The following TTLL5 variants were observed in gnomAD, a reference collection of about 807,000 sequenced individuals.
TTLL5 encodes the protein tubulin tyrosine ligase like 5, also known as tubulin polyglutamylase TTLL5.
TTLL5 carries 132 observed loss-of-function variants against 168.4 expected under a neutral mutation model. The observed-to-expected ratio is 0.78, with a 90% CI of 0.68 to 0.91. TTLL5 has a LOEUF of 0.91. Ranked by LOEUF, TTLL5 falls within the 40% of genes least tolerant of loss-of-function variation. The pLI is 0.00. For synonymous variants in TTLL5, 546 were observed against 558.6 expected (o/e 0.98, Z 0.32); for missense variants, 1,545 against 1,581.5 (o/e 0.98, Z 0.39).
chr14:75,898,731 G>T (rs1159682386), intron 30 of TTLL5, among the ~76,000 whole-genome samples: 2 of 152,150 alleles, frequency 1.3e-5, no homozygotes, highest in African/African-American at 4.8e-5. Context: ...TTCATTTGGT[G>T]CACAGTTGAA....
intron 28 of TTLL5, 112 bp downstream of exon 28, chr14:75,820,273 C>A: frequency 8.8e-7 from 1 of 1,133,350 alleles, no homozygotes; most frequent in Non-Finnish European, 1.2e-6. Flanking sequence ...GGCATATGCC[C>A]TTTCTCCACC....
intron 27 of TTLL5, chr14:75,803,054 G>A (rs1893420234): frequency 1.3e-5 from 2 of 152,340 alleles, no homozygotes; most frequent in African/African-American, 4.8e-5. Flanking sequence ...GGCTGGTTCA[G>A]GGAGAGCTTT....
chr14:75,700,657 T>C (rs1886204324), intron 7 of TTLL5, among the ~76,000 whole-genome samples: 1 of 152,206 alleles, frequency 6.6e-6, no homozygotes, highest in African/African-American at 2.4e-5. Context: ...AGTTGTCGGC[T>C]TGGCCCTCTT....
intron 31 of TTLL5, among the ~76,000 whole-genome samples, chr14:75,945,166 C>A (rs144438426): frequency 2.7e-5 from 4 of 150,702 alleles, no homozygotes; most frequent in Non-Finnish European, 4.4e-5. Context: ...ACTTTCCTTC[C>A]TTTTGTTCCT....
chr14:75,783,118 GA>G, intron 25 of TTLL5, 28 bp from the exon 26 acceptor site: 1 of 1,565,486 alleles, frequency 6.4e-7, no homozygotes, highest in East Asian at 2.2e-5. Context: ...TTCCTATAAT[GA>G]TGTCTTGTTT....
intron 18 of TTLL5, among the ~76,000 whole-genome samples, chr14:75,760,913 A>G (rs1348025216): frequency 6.6e-6 from 1 of 152,078 alleles, no homozygotes; most frequent in Non-Finnish European, 1.5e-5. Context: ...AAGATTAAAA[A>G]CTTCATTATA....
rs774418932 is a variant in TTLL5 at position 75,783,507 on chromosome 14, C to T, written c.2963C>T (p.Ser988Phe). 1.9e-6 allele frequency: 3 copies of T among 1,613,940 alleles called. No homozygotes were observed. The highest frequency in any genetic ancestry group is 2.2e-5 in the South Asian group (2 of 91,074). ...GCACACATCTATAGCCAGAAACTGT[C>T]TCGTCCCTCTTCAGCAAAGGCAGGT... The part of the protein sequence containing the change: ...SAAHIYSQKL[S>F]RPSSAKAGSC... The change falls in exon 26 of 32, where the codon TCT becomes TTT. Residue 988 changes from serine (S) to phenylalanine (F), a missense_variant. Ser to Phe is a radical substitution (Grantham distance 155). Coordinates refer to ENST00000298832, the MANE Select transcript of TTLL5 (RefSeq NM_015072.5).
At chr14:75,694,564 C>T (rs1885696016) in intron 6 of TTLL5, among the ~76,000 whole-genome samples, 1 of 152,130 alleles carries the variant, frequency 6.6e-6, no homozygotes, top group Non-Finnish European at 1.5e-5. Context: ...GAACTCCTGA[C>T]CTCAGGTGAT....
At chr14:75,934,636 G>T (rs1418939301) in intron 31 of TTLL5, among the ~76,000 whole-genome samples, 2 of 152,142 alleles carry the variant, frequency 1.3e-5, no homozygotes, top group African/African-American at 2.4e-5. Context: ...GAGGTGGGGG[G>T]AAGGAAGGAG....
intron 28 of TTLL5, among the ~76,000 whole-genome samples, chr14:75,850,442 G>A (rs924873483): frequency 2.9e-5 from 4 of 136,046 alleles, no homozygotes; most frequent in African/African-American, 8.0e-5. Context: ...GTAACTAAAT[G>A]TGCAGCTGTA....
In TTLL5 at chr14:75,893,460, A is replaced by G. The variant is rs530135790; in HGVS notation, c.3741-8682A>G. On this transcript the variant is annotated intron_variant, in intron 30 of 31. Coordinates refer to ENST00000298832, the MANE Select transcript of TTLL5 (RefSeq NM_015072.5). The stretch of plus-strand genomic sequence containing the variant: ...AATGAGTGCTAGAAAACAGTAGCCA[A>G]TTACTTCGAAGTGTTGATAATAAAC... 3.5e-4 allele frequency among the ~76,000 whole-genome samples: 54 copies of G among 152,310 alleles called. No individual in the cohort carries two copies. In the South Asian group the frequency reaches 4.1e-3, roughly 12 times the overall value.
chr14:75,734,333 T>C (rs1208582511), intron 14 of TTLL5, among the ~76,000 whole-genome samples: 1 of 152,174 alleles, frequency 6.6e-6, no homozygotes, highest in African/African-American at 2.4e-5. Flanking sequence ...TTCTCCAAGC[T>C]GGGAAAGTAA....
chr14:75,789,511 A>G lies in TTLL5; in HGVS notation c.2987-3405A>G, dbSNP rs1892567174. ...CAATTTTTTGATTGTAGCAAAATAT[A>G]AATAACATAAAATTTAACATTGAAC... is the stretch of plus-strand genomic sequence containing the variant. On this transcript the variant is annotated intron_variant, in intron 26 of 31. Coordinates refer to ENST00000298832, the MANE Select transcript of TTLL5 (RefSeq NM_015072.5). Among the ~76,000 whole-genome samples, 11 of 152,314 alleles carry G rather than the reference A, an allele frequency of 7.2e-5. No individual in the cohort carries two copies. In the South Asian group the frequency reaches 2.3e-3, roughly 32 times the overall value.
At chr14:75,665,316 G>A (rs1382295967) in intron 2 of TTLL5, among the ~76,000 whole-genome samples, 2 of 152,182 alleles carry the variant, frequency 1.3e-5, no homozygotes, top group African/African-American at 4.8e-5. Context: ...TTTAGTTTGT[G>A]TAAGATCAGT....
chr14:75,704,785 G>A (rs928505346), intron 7 of TTLL5, among the ~76,000 whole-genome samples: 7 of 152,134 alleles, frequency 4.6e-5, no homozygotes, highest in African/African-American at 9.7e-5. Flanking sequence ...TTCCCAATGC[G>A]GATAGAAGTG....
At chr14:75,752,812 G>A (rs1464139742) in intron 17 of TTLL5, 81 bp from the exon 18 acceptor site, 1 of 1,331,474 alleles carries the variant, frequency 7.5e-7, no homozygotes, top group Non-Finnish European at 1.1e-6. Context: ...TGTTATTTCT[G>A]TGCTTGATTC....
intron 21 of TTLL5, 53 bp downstream of exon 21, chr14:75,771,907 C>G: frequency 6.9e-7 from 1 of 1,454,586 alleles, no homozygotes; most frequent in Non-Finnish European, 9.0e-7. Context: ...TTTCTTCTTT[C>G]TGTATTTTTT....
intron 29 of TTLL5, among the ~76,000 whole-genome samples, chr14:75,873,310 G>A (rs971362853): frequency 1.2e-4 from 18 of 152,080 alleles, no homozygotes; most frequent in Non-Finnish European, 2.1e-4. Flanking sequence ...TTCTGACCTC[G>A]TGATCCGCCT....
At chr14:75,727,860 G>A (rs766190658) in intron 12 of TTLL5, 27 of 500,070 alleles carry the variant, frequency 5.4e-5, no homozygotes, top group Non-Finnish European at 8.8e-5. Flanking sequence ...CAGGGATGGG[G>A]GAAAGGGCAG....
Sources: gnomAD v4.1 joint callset for allele counts (sites outside exome capture counted in the v4.1 genomes callset) on GRCh38, gnomAD v4.1.1 for gene constraint, MANE v1.5 for transcripts, NCBI Gene and HGNC (gene_info 2026-07-23, HGNC 2026-07-21) for gene names.